Variants in ADGRG2 observed in about 807,000 individuals in gnomAD.
The protein encoded by ADGRG2 is adhesion G protein-coupled receptor G2.
A neutral mutation model predicts 74.1 loss-of-function variants in ADGRG2; 26 were observed. That is an observed-to-expected ratio of 0.35 (90% CI 0.26 to 0.49). The LOEUF is 0.49. ADGRG2 is among the 20% of genes least tolerant of loss of function. ADGRG2 has a pLI of 0.99. For synonymous variants in ADGRG2, 296 were observed against 295.2 expected (o/e 1.00, Z -0.03); for missense variants, 619 against 763.1 (o/e 0.81, Z 2.22).
At position 18,994,611 on chromosome X, in the gene ADGRG2, T is replaced by C. The variant is rs763503380; in HGVS notation, c.2869+285A>G. ...AGAAATAGCACAATACTGAAGTCTT[T>C]GGACAATAGTTAAGTGAGGATTTAA... On this transcript the variant is annotated intron_variant, in intron 28 of 28. Transcript: ENST00000379869. Among the ~76,000 whole-genome samples, 6 of 112,510 alleles carry C rather than the reference T, an allele frequency of 5.3e-5. No homozygotes were observed. In the South Asian group the frequency reaches 2.2e-3, roughly 41 times the overall value.
At chrX:19,080,102 G>T (rs193296601) in intron 2 of ADGRG2, among the ~76,000 whole-genome samples, 105 of 109,897 alleles carry the variant, frequency 9.6e-4, no homozygotes, top group African/African-American at 3.3e-3. Flanking sequence ...TAGAGACAGG[G>T]TTTCACCCAG....
At chrX:19,089,190 C>G (rs2146985416) in intron 1 of ADGRG2, among the ~76,000 whole-genome samples, 1 of 111,669 alleles carries the variant, frequency 9.0e-6, no homozygotes, top group South Asian at 3.8e-4. Flanking sequence ...AACTCCACCT[C>G]AAAATTGCTG....
intron 26 of ADGRG2, among the ~76,000 whole-genome samples, chrX:18,997,797 G>T (rs1262600633): frequency 8.9e-6 from 1 of 111,932 alleles, no homozygotes; most frequent in African/African-American, 3.3e-5. Flanking sequence ...ACTAGAGAAG[G>T]ACAATATGGG....
intron 1 of ADGRG2, among the ~76,000 whole-genome samples, chrX:19,104,700 T>TGAGGCCAGGAGTTG (rs2062249306): frequency 1.9e-5 from 2 of 107,336 alleles, no homozygotes; most frequent in Admixed American, 2.0e-4. Flanking sequence ...ATCACTTGAG[T>TGAGGCCAGGAGTTG]GAGGCCAGGA....
rs780806895 is a variant in ADGRG2, at chrX:18,995,685, G to A, written c.2716+366C>T. Among the ~76,000 whole-genome samples, 4 of 112,051 alleles carry A rather than the reference G, an allele frequency of 3.6e-5. No individual in the cohort carries two copies. The South Asian group carries it at 1.1e-3, about 31-fold the overall frequency. The stretch of plus-strand genomic sequence containing the variant: ...AACAAATAAAGCAACTGACAACCAG[G>A]ACCTGTGGAGAAAGGATTGAGTTGA... On this transcript the variant is annotated intron_variant, in intron 27 of 28. Coordinates refer to ENST00000379869, the MANE Select transcript of ADGRG2 (RefSeq NM_001079858.3).
At chrX:19,086,667 A>C (rs2146976292) in intron 1 of ADGRG2, among the ~76,000 whole-genome samples, 1 of 110,969 alleles carries the variant, frequency 9.0e-6, no homozygotes, top group South Asian at 3.9e-4. Flanking sequence ...GATAATCTGC[A>C]ACCCACTTGG....
At chrX:19,054,319 A>C (rs2061375580) in intron 3 of ADGRG2, among the ~76,000 whole-genome samples, 1 of 111,786 alleles carries the variant, frequency 8.9e-6, no homozygotes, top group African/African-American at 3.2e-5. Flanking sequence ...GAACAGGTGA[A>C]ATTTCCAGGA....
At chrX:19,068,455 T>TG (rs372159549) in intron 3 of ADGRG2, among the ~76,000 whole-genome samples, 12 of 103,994 alleles carry the variant, frequency 1.2e-4, no homozygotes, top group Middle Eastern at 4.9e-3. Context: ...CAGGAAGGGG[T>TG]GGGGGGGAAG....
rs1009965177 is a variant in ADGRG2, at chrX:19,028,953, T to C, written c.359-715A>G. On this transcript the variant is annotated intron_variant, in intron 9 of 28. Coordinates refer to ENST00000379869, the MANE Select transcript of ADGRG2 (RefSeq NM_001079858.3). Reference sequence around the variant, plus strand: ...TGCCATTGTAGCATGAAAGCAGCCATAGGCAATACGTAAATGAACAGGCAT... The same window carrying C: ...TGCCATTGTAGCATGAAAGCAGCCACAGGCAATACGTAAATGAACAGGCAT... 2.7e-5 allele frequency among the ~76,000 whole-genome samples: 3 copies of C among 112,108 alleles called. No homozygotes were observed. In the Admixed American group the frequency reaches 2.9e-4, roughly 11 times the overall value.
chrX:19,033,589 CTTGATA>C lies in ADGRG2; in HGVS notation c.304+18_304+23del, dbSNP rs1343169110. 6 of 682,403 alleles carry C rather than the reference CTTGATA, an allele frequency of 8.8e-6. No individual in the cohort carries two copies. Among genetic ancestry groups the C allele is most frequent in the African/African-American group, 6.6e-5 (3 of 45,199 alleles). 56.2% of individuals were successfully genotyped at this position (682,403 alleles called of 1,213,427 possible). A position where few individuals can be genotyped will look rare whatever the true frequency, so the allele number is the denominator to read the frequency against. ...TTACTTTAGTTATAAAAAGGAAAGT[CTTGATA>C]TTGATAATAAGTCATACCTGATGCA... On this transcript the variant is annotated intron_variant, in intron 8 of 28. Coordinates refer to ENST00000379869, the MANE Select transcript of ADGRG2 (RefSeq NM_001079858.3).
intron 3 of ADGRG2, among the ~76,000 whole-genome samples, chrX:19,050,978 C>T (rs1489622817): frequency 2.7e-5 from 3 of 111,759 alleles, no homozygotes; most frequent in African/African-American, 9.8e-5. Flanking sequence ...GTCCAGGGCT[C>T]CAGGTGAGTG....
intron 1 of ADGRG2, among the ~76,000 whole-genome samples, chrX:19,104,283 G>A (rs891470688): frequency 2.7e-5 from 3 of 110,434 alleles, no homozygotes; most frequent in East Asian, 2.9e-4. Flanking sequence ...AGGAGCCCCC[G>A]GGATGTGATC....
chrX:19,060,089 G>A (rs749839129), intron 3 of ADGRG2, among the ~76,000 whole-genome samples: 3 of 111,771 alleles, frequency 2.7e-5, no homozygotes, highest in Non-Finnish European at 5.6e-5. Context: ...CCGAGATCGC[G>A]CCACTGCACT....
At chrX:19,049,513 G>A (rs1188115966) in intron 3 of ADGRG2, among the ~76,000 whole-genome samples, 2 of 103,721 alleles carry the variant, frequency 1.9e-5, no homozygotes, top group South Asian at 4.4e-4. Context: ...GGATGATAGC[G>A]CCTCCACTGA....
At position 19,006,011 on chromosome X, in the gene ADGRG2, G is replaced by A. The variant is rs760472140; in HGVS notation, c.1830C>T (p.Gly610=). ...ICTCSHLTSF[G]VLLDLSRTSV... is the part of the protein sequence containing the mutation. The stretch of plus-strand genomic sequence containing the variant: ...GGCACAGGCATATTACCAGCAGAAC[G>A]CCGAAGCTTGTTAGATGGCTACAGG... Residue 610 remains glycine (G), a synonymous_variant, in exon 22 of 29, where the codon GGC becomes GGT. Transcript: ENST00000379869. 5.0e-6 allele frequency: 6 copies of A among 1,189,501 alleles called. No homozygotes were observed. Among genetic ancestry groups the A allele is most frequent in the Non-Finnish European group, 6.8e-6 (6 of 876,926 alleles).
chrX:19,094,256 G>C (rs1309376579), intron 1 of ADGRG2, among the ~76,000 whole-genome samples: 2 of 110,904 alleles, frequency 1.8e-5, no homozygotes, highest in Admixed American at 1.9e-4. Context: ...ATTACCTAAC[G>C]GCTATAATGT....
chrX:19,031,152 G>T, intron 8 of ADGRG2, 115 bp from the exon 9 acceptor site: 1 of 534,366 alleles, frequency 1.9e-6, no homozygotes, highest in Non-Finnish European at 3.2e-6. Context: ...AATATTATAA[G>T]CTGGAATTAA....
At chrX:19,029,304 ATTAT>A (rs1029816093) in intron 9 of ADGRG2, among the ~76,000 whole-genome samples, 2 of 112,231 alleles carry the variant, frequency 1.8e-5, no homozygotes, top group Admixed American at 1.9e-4. Context: ...CTTTTAAATG[ATTAT>A]TTAAATTGTG....
intron 1 of ADGRG2, among the ~76,000 whole-genome samples, chrX:19,088,155 A>T (rs1188691667): frequency 8.9e-6 from 1 of 112,604 alleles, no homozygotes; most frequent in Non-Finnish European, 1.9e-5. Context: ...ACAAATGCAT[A>T]GGCAAGAATT....
Sources: gnomAD v4.1 joint callset for allele counts (sites outside exome capture counted in the v4.1 genomes callset) on GRCh38, gnomAD v4.1.1 for gene constraint, MANE v1.5 for transcripts, NCBI Gene and HGNC (gene_info 2026-07-23, HGNC 2026-07-21) for gene names.